TPPP: variants seen among roughly 807,000 people sequenced by gnomAD.
TPPP encodes the protein tubulin polymerization-promoting protein.
A neutral mutation model predicts 15.5 loss-of-function variants in TPPP; 6 were observed. The ratio of observed to expected loss-of-function variants is 0.39; its 90% CI spans 0.21 to 0.77. TPPP has a LOEUF of 0.77. Ranked by LOEUF, TPPP falls within the 30% of genes least tolerant of loss-of-function variation. TPPP has a pLI of 0.42. For missense variants in TPPP, 269 were observed against 307.2 expected (o/e 0.88, Z 0.93); for synonymous variants, 146 against 133.9 (o/e 1.09, Z -0.63).
chr5:670,840 C>T (rs955460035), intron 2 of TPPP, among the ~76,000 whole-genome samples: 3 of 152,208 alleles, frequency 2.0e-5, no homozygotes, highest in Admixed American at 1.3e-4. Context: ...ATTCTCCCCT[C>T]ATAAGTGACT....
Position 660,228 on chromosome 5 carries a change from T to A in TPPP, c.*4874A>T, listed in dbSNP as rs67769313. On this transcript the variant is annotated 3_prime_UTR_variant, in exon 4 of 4. Coordinates refer to ENST00000360578, the MANE Select transcript of TPPP (RefSeq NM_007030.3). ...ACATATATATATATATATATATATATAAATTTGTTTCCCTTTCTTGAAAAA... is the reference window on the plus strand; with the variant it reads ...ACATATATATATATATATATATATAAAAATTTGTTTCCCTTTCTTGAAAAA... 16 of 148,124 alleles carry A rather than the reference T, an allele frequency of 1.1e-4. No homozygotes were observed. The highest frequency in any genetic ancestry group is 2.2e-4 in the South Asian group (1 of 4,624). 9.2% of individuals were successfully genotyped at this position (148,124 alleles called of 1,614,324 possible).
At chr5:692,046 C>A (rs1368310290) in intron 1 of TPPP, among the ~76,000 whole-genome samples, 4 of 108,512 alleles carry the variant, frequency 3.7e-5, no homozygotes, top group Non-Finnish European at 7.4e-5. Flanking sequence ...ATCAAAACAG[C>A]AGCCCCCAAC....
intron 2 of TPPP, among the ~76,000 whole-genome samples, chr5:670,083 C>T (rs1000266295): frequency 3.7e-5 from 3 of 81,262 alleles, no homozygotes; most frequent in Non-Finnish European, 7.1e-5. Flanking sequence ...CTCTGAGTCC[C>T]CTGGCCTCTG....
chr5:678,735 G>C (rs543541136), intron 1 of TPPP, among the ~76,000 whole-genome samples: 208 of 152,212 alleles, frequency 1.4e-3, no homozygotes, highest in African/African-American at 2.7e-3. Flanking sequence ...TGAGGCAGTG[G>C]TGGGGGCACC....
rs746065804 is a variant in TPPP at position 668,397 on chromosome 5, TACCGACAAGCACACAGAGAGGGG to T, written c.312-2297_312-2275del. On this transcript the variant is annotated intron_variant, in intron 2 of 3. Transcript: ENST00000360578. Reference sequence around the variant, plus strand: ...GTCCGCGTGGGCCTCGTCAGGGAAGTACCGACAAGCACACAGAGAGGGGGCCGCGTGGGCGCCGTCAGGGAAGT... The same window carrying T: ...GTCCGCGTGGGCCTCGTCAGGGAAGTGCCGCGTGGGCGCCGTCAGGGAAGT... Among the ~76,000 whole-genome samples, 514 of 99,374 alleles carry T rather than the reference TACCGACAAGCACACAGAGAGGGG, an allele frequency of 5.2e-3. 31 individuals are homozygous for T. Among genetic ancestry groups the T allele is most frequent in the African/African-American group, 0.022 (497 of 22,476 alleles). 65.2% of individuals were successfully genotyped at this position (99,374 alleles called of 152,430 possible).
intron 1 of TPPP, chr5:692,603 G>C (rs1740919847): frequency 1.0e-6 from 1 of 983,182 alleles, no homozygotes; most frequent in Non-Finnish European, 1.2e-6. Context: ...CAGAATAAAG[G>C]GCTCCTCAGA....
At chr5:682,897 A>G (rs1394676195) in intron 1 of TPPP, among the ~76,000 whole-genome samples, 2 of 152,154 alleles carry the variant, frequency 1.3e-5, no homozygotes, top group African/African-American at 4.8e-5. Context: ...GGCAGGAGCC[A>G]TGGAGTCAGT....
At chr5:692,447 TCCCAACCCCTATCAAAACAGCAGCCC>T (rs1740911721) in intron 1 of TPPP, 1 of 485,532 alleles carries the variant, frequency 2.1e-6, no homozygotes, top group Non-Finnish European at 2.3e-6. Context: ...AATAGCAGCC[TCCCAACCCCTATCAAAACAGCAGCCC>T]CCCAAACCCC....
At chr5:692,092 C>T (rs1408956816) in intron 1 of TPPP, among the ~76,000 whole-genome samples, 2 of 93,082 alleles carry the variant, frequency 2.1e-5, no homozygotes, top group African/African-American at 8.3e-5. Flanking sequence ...AAGCCCCCAT[C>T]AAGACAGCAG....
chr5:692,623 G>A (rs1197167962), intron 1 of TPPP: 13 of 983,588 alleles, frequency 1.3e-5, no homozygotes, highest in African/African-American at 3.5e-5. Context: ...ATCTTCGGGC[G>A]CTGCTCCCAG....
At chr5:686,533 G>A (rs1740772624) in intron 1 of TPPP, among the ~76,000 whole-genome samples, 1 of 147,356 alleles carries the variant, frequency 6.8e-6, no homozygotes. Context: ...TCGGGGCTCC[G>A]GGTCCAGGGC....
chr5:697,633 G>A (rs55857330), upstream of TPPP, among the ~76,000 whole-genome samples: 1,841 of 152,034 alleles, frequency 0.012, 29 homozygotes, highest in Middle Eastern at 0.02. Flanking sequence ...CAGACCACAA[G>A]GAGCCTGGTC....
chr5:666,430 G>A (rs557977929), intron 2 of TPPP, among the ~76,000 whole-genome samples: 4 of 152,196 alleles, frequency 2.6e-5, no homozygotes, highest in Non-Finnish European at 4.4e-5. Flanking sequence ...TCCTCCTCCC[G>A]GGGCCACCAC....
chr5:694,414 C>T (rs921879908), upstream of TPPP, among the ~76,000 whole-genome samples: 1 of 127,168 alleles, frequency 7.9e-6, no homozygotes, highest in African/African-American at 2.5e-5. Context: ...GCTCCTCCCC[C>T]AGCCCCGGCT....
At chr5:680,971 A>ATG (rs1164321293) in intron 1 of TPPP, among the ~76,000 whole-genome samples, 95 of 152,338 alleles carry the variant, frequency 6.2e-4, no homozygotes, top group African/African-American at 1.5e-3. Context: ...GATGGGAGCC[A>ATG]CACTGTCTGG....
chr5:677,945 C>T lies in TPPP; in HGVS notation c.116G>A (p.Gly39Asp). ...CTCAGGGGATGCGGCTGCCCCCTCA[C>T]CAGCACCCTCCGATTCCAGCGACAG... The part of the protein sequence containing the change: ...KRLSLESEGA[G>D]EGAAASPELS... Residue 39 changes from glycine to aspartate, a missense_variant, in exon 2 of 4, where the codon GGT becomes GAT. Gly to Asp is a moderately conservative substitution (Grantham distance 94, BLOSUM62 -1). Transcript: ENST00000360578. The T allele has an allele frequency of 9.3e-6, 15 of 1,611,818 alleles. No homozygotes were observed. Among genetic ancestry groups the T allele is most frequent in the Non-Finnish European group, 1.3e-5 (15 of 1,179,564 alleles).
the TPPP span, among the ~76,000 whole-genome samples, chr5:699,093 C>T: frequency 1.3e-5 from 2 of 151,926 alleles, no homozygotes; most frequent in Admixed American, 1.3e-4. Flanking sequence ...CTGTTCAAAG[C>T]AATCTACAGA....
intron 2 of TPPP, among the ~76,000 whole-genome samples, chr5:669,290 C>T (rs1027795013): frequency 6.8e-4 from 104 of 152,234 alleles, no homozygotes; most frequent in Non-Finnish European, 9.1e-4. Flanking sequence ...CCCGGTGAGC[C>T]GGAGGTGCCC....
In TPPP at chr5:677,806, C is replaced by T; in HGVS notation, c.255G>A (p.Val85=). 2.5e-6 allele frequency: 4 copies of T among 1,602,838 alleles called. No homozygotes were observed. The highest frequency in any genetic ancestry group is 3.4e-6 in the Non-Finnish European group (4 of 1,172,818). ...NWSKLCKDCQ[V]IDGRNVTVTD... ...TGACGGTCACGTTCCTGCCGTCGAT[C>T]ACCTGGCAGTCCTTGCACAGCTTCG... is the stretch of plus-strand genomic sequence containing the variant. The change falls in exon 2 of 4, where the codon GTG becomes GTA. Residue 85 remains valine (V), a synonymous_variant. Coordinates refer to ENST00000360578, the MANE Select transcript of TPPP (RefSeq NM_007030.3).
Sources: allele counts gnomAD v4.1 joint callset (sites outside exome capture counted in the v4.1 genomes callset), GRCh38; gene constraint gnomAD v4.1.1; transcripts MANE v1.5; gene names NCBI Gene and HGNC (gene_info 2026-07-23, HGNC 2026-07-21).